FMNL2: variants seen among roughly 807,000 people sequenced by gnomAD.
FMNL2 encodes the protein formin like 2.
A neutral mutation model predicts 130.2 loss-of-function variants in FMNL2; 51 were observed. That is an observed-to-expected ratio of 0.39 (90% CI 0.31 to 0.49). The LOEUF (loss-of-function observed/expected upper bound fraction) is 0.49. Ranked by LOEUF, FMNL2 falls within the 20% of genes least tolerant of loss-of-function variation. The pLI is 0.85. For missense variants in FMNL2, 977 were observed against 1,316.2 expected (o/e 0.74, Z 3.99); for synonymous variants, 465 against 467.1 (o/e 1.00, Z 0.06).
chr2:152,459,980 A>G (rs1472300512), intron 1 of FMNL2, among the ~76,000 whole-genome samples: 5 of 152,222 alleles, frequency 3.3e-5, no homozygotes, highest in Admixed American at 2.0e-4. Context: ...ATTTTTTCAT[A>G]TTATCTTTTG....
chr2:152,568,238 C>T (rs1456099719), intron 6 of FMNL2, among the ~76,000 whole-genome samples: 7 of 9,830 alleles, frequency 7.1e-4, no homozygotes, highest in African/African-American at 3.1e-3. Context: ...TTTTTTGAGA[C>T]GGAGTCTCAC....
chr2:152,509,336 A>G (rs571900212), intron 1 of FMNL2, among the ~76,000 whole-genome samples: 1 of 152,258 alleles, frequency 6.6e-6, no homozygotes, highest in South Asian at 2.1e-4. Context: ...GTTGTTGTGC[A>G]TTGTATGTAT....
intron 1 of FMNL2, among the ~76,000 whole-genome samples, chr2:152,504,680 C>T (rs1692056424): frequency 6.6e-6 from 1 of 152,152 alleles, no homozygotes; most frequent in South Asian, 2.1e-4. Context: ...AAGCTTCTAT[C>T]TCTTATGCAC....
chr2:152,628,657 A>C lies in FMNL2; in HGVS notation c.2400+124A>C, dbSNP rs79823270. On this transcript the variant is annotated intron_variant, in intron 18 of 25. Transcript: ENST00000288670. ...TAAAGACTCCTTCCCAGAACTTTCT[A>C]AATTGCATTTTTATTTCAACCATCT... is the stretch of plus-strand genomic sequence containing the variant. 3.6e-3 allele frequency: 2,855 copies of C among 785,334 alleles called. 71 individuals carry two copies. In the African/African-American group the frequency reaches 0.044, roughly 12 times the overall value. 48.6% of individuals were successfully genotyped at this position (785,334 alleles called of 1,614,324 possible).
intron 1 of FMNL2, among the ~76,000 whole-genome samples, chr2:152,436,443 T>C (rs1687768302): frequency 1.3e-5 from 2 of 152,188 alleles, no homozygotes; most frequent in South Asian, 4.1e-4. Flanking sequence ...TCTCCTGACC[T>C]ACACATACTA....
chr2:152,600,922 C>T (rs924734894), intron 9 of FMNL2, among the ~76,000 whole-genome samples: 1 of 152,114 alleles, frequency 6.6e-6, no homozygotes, highest in African/African-American at 2.4e-5. Flanking sequence ...GCCAGCACAG[C>T]CAAGTGCATT....
At chr2:152,568,938 G>C (rs1696013215) in intron 6 of FMNL2, among the ~76,000 whole-genome samples, 1 of 152,066 alleles carries the variant, frequency 6.6e-6, no homozygotes, top group Non-Finnish European at 1.5e-5. Flanking sequence ...ATTTCTTCTA[G>C]CTTTTTAGCT....
At chr2:152,392,138 G>C (rs1685149628) in intron 1 of FMNL2, among the ~76,000 whole-genome samples, 1 of 152,018 alleles carries the variant, frequency 6.6e-6, no homozygotes, top group Non-Finnish European at 1.5e-5. Context: ...TATCTTAGTT[G>C]TACCTAAACA....
At chr2:152,366,796 T>C (rs1683580900) in intron 1 of FMNL2, among the ~76,000 whole-genome samples, 1 of 152,026 alleles carries the variant, frequency 6.6e-6, no homozygotes, top group Non-Finnish European at 1.5e-5. Flanking sequence ...TGAAACCCCA[T>C]CTCTAGAACA....
At chr2:152,602,542 C>A (rs1698133471) in intron 9 of FMNL2, among the ~76,000 whole-genome samples, 1 of 152,150 alleles carries the variant, frequency 6.6e-6, no homozygotes, top group South Asian at 2.1e-4. Context: ...TAATAGAGTA[C>A]ATGTTATTGA....
intron 1 of FMNL2, among the ~76,000 whole-genome samples, chr2:152,437,423 A>G (rs1687824380): frequency 6.6e-6 from 1 of 152,206 alleles, no homozygotes; most frequent in African/African-American, 2.4e-5. Context: ...TACTGAGCAG[A>G]GAAACTTACT....
At chr2:152,370,415 G>T (rs1425961948) in intron 1 of FMNL2, among the ~76,000 whole-genome samples, 1 of 152,140 alleles carries the variant, frequency 6.6e-6, no homozygotes. Flanking sequence ...CAAGTTGGGG[G>T]CTAGGATTTC....
intron 6 of FMNL2, among the ~76,000 whole-genome samples, chr2:152,572,773 T>C (rs2105675416): frequency 6.6e-6 from 1 of 151,668 alleles, no homozygotes; most frequent in Admixed American, 6.6e-5. Context: ...ACATCATGCG[T>C]TGGAGCTGAA....
chr2:152,570,565 A>G (rs1696117560), intron 6 of FMNL2, among the ~76,000 whole-genome samples: 1 of 152,216 alleles, frequency 6.6e-6, no homozygotes, highest in Non-Finnish European at 1.5e-5. Context: ...AAGAAAGGCT[A>G]TCAGCATGGC....
chr2:152,595,344 G>A (rs1046338774), intron 9 of FMNL2, among the ~76,000 whole-genome samples: 1 of 152,192 alleles, frequency 6.6e-6, no homozygotes, highest in Admixed American at 6.5e-5. Context: ...TTTTGAGGCA[G>A]AGTCTTGCTC....
chr2:152,517,877 A>G (rs1006047759), intron 1 of FMNL2, among the ~76,000 whole-genome samples: 1 of 152,210 alleles, frequency 6.6e-6, no homozygotes, highest in Non-Finnish European at 1.5e-5. Flanking sequence ...GGATGGAACA[A>G]TGGATGAAAA....
intron 1 of FMNL2, among the ~76,000 whole-genome samples, chr2:152,337,038 G>A (rs998646825): frequency 7.6e-4 from 116 of 152,180 alleles, no homozygotes; most frequent in African/African-American, 2.7e-3. Context: ...GGGAAGTGAT[G>A]TTCTGGATGG....
intron 1 of FMNL2, among the ~76,000 whole-genome samples, chr2:152,422,355 G>A (rs758541608): frequency 6.6e-6 from 1 of 152,132 alleles, no homozygotes; most frequent in Non-Finnish European, 1.5e-5. Flanking sequence ...TCATGCTGTT[G>A]CCTGAAGGGG....
chr2:152,479,717 TG>T (rs140067952), intron 1 of FMNL2, among the ~76,000 whole-genome samples: 56 of 103,938 alleles, frequency 5.4e-4, no homozygotes, highest in African/African-American at 1.6e-3. Flanking sequence ...TGTTGTGGGT[TG>T]TTTTTTTTTT....
Sources: gnomAD v4.1 joint callset for allele counts (sites outside exome capture counted in the v4.1 genomes callset) on GRCh38, gnomAD v4.1.1 for gene constraint, MANE v1.5 for transcripts, NCBI Gene and HGNC (gene_info 2026-07-23, HGNC 2026-07-21) for gene names.